Variants in SPATA21 observed in about 807,000 individuals in gnomAD.
SPATA21 encodes spermatogenesis associated 21, also known as spermatogenesis-associated protein 21.
A neutral mutation model predicts 54.8 loss-of-function variants in SPATA21; 47 were observed. That is an observed-to-expected ratio of 0.86 (90% confidence interval 0.68 to 1.09). SPATA21 has a LOEUF of 1.09. Among genes scored for constraint, SPATA21 ranks in the 50% least tolerant of loss-of-function variants. The pLI, the probability that SPATA21 is intolerant of heterozygous loss-of-function variation, is 0.00. For missense variants in SPATA21, 599 were observed against 596.4 expected, an observed-to-expected ratio of 1.00 and a Z score of -0.05; for synonymous variants, 245 against 235.3, an observed-to-expected ratio of 1.04 and a Z score of -0.38.
At chr1:16,427,408 C>T (rs1008913312) in intron 3 of SPATA21, among the ~76,000 whole-genome samples, 4 of 151,986 alleles carry the variant, frequency 2.6e-5, no homozygotes, top group Admixed American at 6.6e-5. Context: ...CTATCTGGCT[C>T]GCTCTTGATT....
Position 16,427,797 on chromosome 1 carries a change from C to G in SPATA21, c.34+3541G>C, listed in dbSNP as rs571938855. 389 of 1,483,122 alleles carry G rather than the reference C, an allele frequency of 2.6e-4. 3 individuals carry two copies. In the African/African-American group the frequency reaches 4.4e-3, roughly 17 times the overall value. The allele number at this position is 1,483,122 out of a possible 1,614,324, so 91.9% of individuals were successfully genotyped here. On this transcript the variant is annotated intron_variant, in intron 3 of 12. Coordinates refer to ENST00000335496, the MANE Select transcript of SPATA21 (RefSeq NM_198546.1). Reference sequence around the variant, plus strand: ...CCTGGGAGTTCTCCATTCTCTCTCTCTCCCCCGCGGGTGGGCTACAGGGGG... The same window carrying G: ...CCTGGGAGTTCTCCATTCTCTCTCTGTCCCCCGCGGGTGGGCTACAGGGGG...
chr1:16,403,650 A>T (rs1287894627), intron 10 of SPATA21, 77 bp downstream of exon 10: 1 of 1,332,222 alleles, frequency 7.5e-7, no homozygotes, highest in Non-Finnish European at 1.1e-6. Flanking sequence ...GTAACTACCA[A>T]AAGTTCTCAG....
intron 5 of SPATA21, among the ~76,000 whole-genome samples, chr1:16,411,396 C>A (rs2085838717): frequency 6.6e-6 from 1 of 152,048 alleles, no homozygotes; most frequent in Non-Finnish European, 1.5e-5. Flanking sequence ...CTTGCCCAGG[C>A]TGGTCTCAAA....
chr1:16,416,178 G>A (rs1017566735), intron 5 of SPATA21, among the ~76,000 whole-genome samples: 7 of 152,224 alleles, frequency 4.6e-5, no homozygotes, highest in African/African-American at 1.7e-4. Flanking sequence ...GTACAGGGGT[G>A]CCTAGTGCCC....
rs1468651819 is a variant in SPATA21, at chr1:16,437,117, C to T, written c.-187+11G>A. 6.6e-6 allele frequency: 1 copy of T among 152,232 alleles called. No homozygotes were observed. The highest frequency in any genetic ancestry group is 1.5e-5 in the Non-Finnish European group (1 of 68,106). 9.4% of individuals were successfully genotyped at this position (152,232 alleles called of 1,614,324 possible). ...TGTTCACCTTACACCCCACCTTGGCCCTGCACCTACCAGAAATCAGCTGGA... is the reference window on the plus strand; with the variant it reads ...TGTTCACCTTACACCCCACCTTGGCTCTGCACCTACCAGAAATCAGCTGGA... On this transcript the variant is annotated intron_variant, in intron 1 of 12. Coordinates refer to ENST00000335496, the MANE Select transcript of SPATA21 (RefSeq NM_198546.1).
intron 3 of SPATA21, among the ~76,000 whole-genome samples, chr1:16,429,532 T>C (rs541409921): frequency 1.3e-5 from 2 of 152,170 alleles, no homozygotes; most frequent in South Asian, 4.2e-4. Context: ...TGGAGTGCAA[T>C]GGTGCAATCT....
At chr1:16,407,187 G>A (rs1310279529) in intron 7 of SPATA21, among the ~76,000 whole-genome samples, 2 of 152,178 alleles carry the variant, frequency 1.3e-5, no homozygotes, top group Non-Finnish European at 2.9e-5. Context: ...TGGTGTTGGG[G>A]CACGTGGTGA....
At chr1:16,404,176 C>G in intron 8 of SPATA21, 137 bp from the exon 9 acceptor site, 1 of 732,894 alleles carries the variant, frequency 1.4e-6, no homozygotes, top group Non-Finnish European at 2.3e-6. Context: ...AAACATGGGG[C>G]ACACAGGAAA....
intron 5 of SPATA21, chr1:16,410,935 T>C (rs561844270): frequency 1.3e-4 from 31 of 230,004 alleles, no homozygotes; most frequent in Non-Finnish European, 2.2e-4. Context: ...AGGTAAGCAT[T>C]ATGAGGGCAG....
chr1:16,412,945 G>C (rs995191482), intron 5 of SPATA21, among the ~76,000 whole-genome samples: 1 of 152,078 alleles, frequency 6.6e-6, no homozygotes, highest in Non-Finnish European at 1.5e-5. Context: ...TACCATACCC[G>C]GCTAGTTTTT....
chr1:16,420,940 C>A (rs189506774), intron 5 of SPATA21, among the ~76,000 whole-genome samples: 1 of 152,106 alleles, frequency 6.6e-6, no homozygotes, highest in Non-Finnish European at 1.5e-5. Flanking sequence ...GTTCTCCAAC[C>A]GCATTAAGCT....
Position 16,421,865 on chromosome 1 carries a change from G to A in SPATA21, c.95+46C>T. The A allele has an allele frequency of 6.2e-7, 1 of 1,613,910 alleles. No individual in the cohort carries two copies. The highest frequency in any genetic ancestry group is 1.6e-4 in the Middle Eastern group (1 of 6,062). ...TCACCCCACCTGAAACTCAGCAGAA[G>A]AGCATCCTTGTTGGGGGCAGGGGAT... On this transcript the variant is annotated intron_variant, in intron 4 of 12. Transcript: ENST00000335496. The surrounding 1 kb of genome is among the most constrained non-coding windows in gnomAD (Gnocchi z 5.2).
Position 16,409,294 on chromosome 1 carries a change from G to A in SPATA21, c.588-91C>T, listed in dbSNP as rs1032030755. 9 of 1,415,484 alleles carry A rather than the reference G, an allele frequency of 6.4e-6. No individual in the cohort carries two copies. Among genetic ancestry groups the A allele is most frequent in the African/African-American group, 2.8e-5 (2 of 70,694 alleles). The allele number at this position is 1,415,484 out of a possible 1,614,324, so 87.7% of individuals were successfully genotyped here. On this transcript the variant is annotated intron_variant, in intron 6 of 12. Transcript: ENST00000335496. This position sits in a 1 kb window ranked among gnomAD's most constrained non-coding sequence, Gnocchi z 4.1. The stretch of plus-strand genomic sequence containing the variant: ...GGGGTTGGGGGAGCCTGCAGGAGGA[G>A]GTCGTGGGGGAGGCTTTGGGGAGCC...
At chr1:16,431,292 A>C in intron 3 of SPATA21, 46 bp downstream of exon 3, 1 of 1,614,060 alleles carries the variant, frequency 6.2e-7, no homozygotes, top group African/African-American at 1.3e-5. Flanking sequence ...CTTTATGGTG[A>C]TCCTCAGGCC....
intron 7 of SPATA21, among the ~76,000 whole-genome samples, chr1:16,406,045 C>T (rs995093477): frequency 1.3e-5 from 2 of 152,104 alleles, no homozygotes; most frequent in Non-Finnish European, 2.9e-5. Flanking sequence ...GAGCTGTTGG[C>T]ACTCAAACCA....
chr1:16,429,221 T>A lies in SPATA21; in HGVS notation c.34+2117A>T, dbSNP rs574429891. Reference sequence around the variant, plus strand: ...TCTCGCTATATTGCCCAGGCAGGCCTCGAACTCCTGGACTCAAGCTCTCCT... The same window carrying A: ...TCTCGCTATATTGCCCAGGCAGGCCACGAACTCCTGGACTCAAGCTCTCCT... On this transcript the variant is annotated intron_variant, in intron 3 of 12. Coordinates refer to ENST00000335496, the MANE Select transcript of SPATA21 (RefSeq NM_198546.1). Among the ~76,000 whole-genome samples, 351 of 151,836 alleles carry A rather than the reference T, an allele frequency of 2.3e-3. 1 individual carries two copies. The highest frequency in any genetic ancestry group is 4.1e-3 in the Non-Finnish European group (276 of 67,890).
chr1:16,426,570 TA>T (rs2086325561), intron 3 of SPATA21, among the ~76,000 whole-genome samples: 7 of 117,106 alleles, frequency 6.0e-5, no homozygotes, highest in Admixed American at 1.7e-4. Flanking sequence ...TATATATATA[TA>T]TATATATATT....
rs1391130139 is a variant in SPATA21, at chr1:16,421,991, T to G, written c.35-20A>C. ...TTTCCTCTGGAGCCACGACGGACAT[T>G]GGGGGCATTGCTTCCTGAGAGCTGT... On this transcript the variant is annotated intron_variant, in intron 3 of 12. Coordinates refer to ENST00000335496, the MANE Select transcript of SPATA21 (RefSeq NM_198546.1). This position sits in a 1 kb window ranked among gnomAD's most constrained non-coding sequence, Gnocchi z 5.2. The G allele has an allele frequency of 1.2e-6, 2 of 1,614,166 alleles. No individual in the cohort carries two copies. The highest frequency in any genetic ancestry group is 1.7e-6 in the Non-Finnish European group (2 of 1,180,018).
intron 5 of SPATA21, among the ~76,000 whole-genome samples, chr1:16,415,167 T>C (rs1346387930): frequency 2.0e-5 from 3 of 152,160 alleles, no homozygotes; most frequent in Non-Finnish European, 4.4e-5. Flanking sequence ...TGGGACCCTG[T>C]CTCTACAGAA....
Sources: gnomAD v4.1 joint callset for allele counts (sites outside exome capture counted in the v4.1 genomes callset) on GRCh38, gnomAD v4.1.1 for gene constraint, Gnocchi (gnomAD v3.1) non-coding constraint, MANE v1.5 for transcripts, NCBI Gene and HGNC (gene_info 2026-07-23, HGNC 2026-07-21) for gene names.